Variants in NIPAL3 observed in about 807,000 individuals in gnomAD.
The protein encoded by NIPAL3 is NIPA-like protein 3.
Under a neutral mutation model 47.2 loss-of-function variants are expected in NIPAL3, and 41 were observed. The observed-to-expected ratio is 0.87, with a 90% CI of 0.68 to 1.13. The LOEUF (loss-of-function observed/expected upper bound fraction) is 1.13. NIPAL3 is among the 50% of genes most tolerant of loss of function. The probability of loss-of-function intolerance (pLI) is 0.00; values close to 1 mark genes in which losing one functional copy is unlikely to be tolerated. For missense variants in NIPAL3, 449 were observed against 530.1 expected, an observed-to-expected ratio of 0.85 and a Z score of 1.50; for synonymous variants, 194 against 209.6, an observed-to-expected ratio of 0.93 and a Z score of 0.64.
rs1369783747 is a variant in NIPAL3, at chr1:24,472,345, G to T, written c.*3160G>T. The T allele has an allele frequency of 2.0e-5, 3 of 152,198 alleles. No homozygotes were observed. In the East Asian group the frequency reaches 5.8e-4, roughly 29 times the overall value. 9.4% of individuals were successfully genotyped at this position (152,198 alleles called of 1,614,324 possible). A position where few individuals can be genotyped will look rare whatever the true frequency, so the allele number is the denominator to read the frequency against. ...TGGTTCCTCCCAATCTTTGTCCAGT[G>T]GTATAAATGGACTGTCTGCTGATGG... is the stretch of plus-strand genomic sequence containing the variant. On this transcript the variant is annotated 3_prime_UTR_variant, in exon 12 of 12. Coordinates refer to ENST00000374399, the MANE Select transcript of NIPAL3 (RefSeq NM_020448.5).
rs1166339764 is a variant in NIPAL3, at chr1:24,454,636, G to A, written c.637+1132G>A. 2 of 778,404 alleles carry A rather than the reference G, an allele frequency of 2.6e-6. No individual in the cohort carries two copies. Among genetic ancestry groups the A allele is most frequent in the African/African-American group, 3.8e-5 (2 of 52,794 alleles). The allele number at this position is 778,404 out of a possible 1,614,324, so 48.2% of individuals were successfully genotyped here. Reference sequence around the variant, plus strand: ...TCAGTGGTTTTTAGTATTTCATAGAGTTGTGAAACCATCATCCTAATCTAA... The same window carrying A: ...TCAGTGGTTTTTAGTATTTCATAGAATTGTGAAACCATCATCCTAATCTAA... On this transcript the variant is annotated intron_variant, in intron 7 of 11. Transcript: ENST00000374399. This position sits in a 1 kb window ranked among gnomAD's most constrained non-coding sequence, Gnocchi z 4.1.
At chr1:24,455,452 C>T (rs1401922607) in intron 7 of NIPAL3, among the ~76,000 whole-genome samples, 1 of 152,210 alleles carries the variant, frequency 6.6e-6, no homozygotes, top group Non-Finnish European at 1.5e-5. Context: ...AAAACAGATA[C>T]ACACATATTG....
chr1:24,451,717 G>GA lies in NIPAL3; in HGVS notation c.541-1681dup, dbSNP rs570147141. Among the ~76,000 whole-genome samples the GA allele has an allele frequency of 1.4e-4, 21 of 148,486 alleles. No individual in the cohort carries two copies. Among genetic ancestry groups the GA allele is most frequent in the Non-Finnish European group, 2.1e-4 (14 of 66,880 alleles). On this transcript the variant is annotated intron_variant, in intron 6 of 11. Transcript: ENST00000374399. This position sits in a 1 kb window ranked among gnomAD's most constrained non-coding sequence, Gnocchi z 4.5. ...AGACCCTGTCTCAAAAAAAGAAAAA[G>GA]AAAAAAAAAATCATGGAGAATGGCT...
Position 24,469,427 on chromosome 1 carries a change from G to A in NIPAL3, c.*242G>A. On this transcript the variant is annotated 3_prime_UTR_variant, in exon 12 of 12. Transcript: ENST00000374399. ...ACGGGATAGAATCCAGCCTCTGCCTGGATTAGCCCAGGGGGATTTGGAAAG... is the reference window on the plus strand; with the variant it reads ...ACGGGATAGAATCCAGCCTCTGCCTAGATTAGCCCAGGGGGATTTGGAAAG... 2.1e-6 allele frequency: 1 copy of A among 472,160 alleles called. No homozygotes were observed. Among genetic ancestry groups the A allele is most frequent in the Non-Finnish European group, 3.8e-6 (1 of 264,438 alleles). The allele number at this position is 472,160 out of a possible 1,614,324, so 29.2% of individuals were successfully genotyped here. A position where few individuals can be genotyped will look rare whatever the true frequency, so the allele number is the denominator to read the frequency against.
At chr1:24,438,550 G>A (rs532780608) in intron 2 of NIPAL3, among the ~76,000 whole-genome samples, 2 of 152,248 alleles carry the variant, frequency 1.3e-5, no homozygotes, top group Non-Finnish European at 2.9e-5. Context: ...GAGAGGGCAG[G>A]GGGGAGGGTT....
chr1:24,449,682 A>G lies in NIPAL3; in HGVS notation c.540+56A>G. ...GATGGCAGGAGGGAGATCAAGTCCT[A>G]GAAACCAGAAACGTGAATACCCAGC... On this transcript the variant is annotated intron_variant, in intron 6 of 11. Coordinates refer to ENST00000374399, the MANE Select transcript of NIPAL3 (RefSeq NM_020448.5). The surrounding 1 kb of genome is among the most constrained non-coding windows in gnomAD (Gnocchi z 4.5). 1 of 1,562,672 alleles carries G rather than the reference A, an allele frequency of 6.4e-7. No homozygotes were observed. The highest frequency in any genetic ancestry group is 1.2e-5 in the South Asian group (1 of 86,744).
chr1:24,460,430 T>C (rs1299309851), intron 9 of NIPAL3, 51 bp from the exon 10 acceptor site: 3 of 1,446,274 alleles, frequency 2.1e-6, no homozygotes, highest in Non-Finnish European at 2.9e-6. Flanking sequence ...GACTGGCAGA[T>C]GGGTGATTTG....
chr1:24,433,271 T>C (rs1207563892), intron 2 of NIPAL3: 2 of 152,240 alleles, frequency 1.3e-5, no homozygotes, highest in Non-Finnish European at 2.9e-5. Context: ...CACACACTTA[T>C]TGTGCTGGAG....
intron 2 of NIPAL3, among the ~76,000 whole-genome samples, chr1:24,431,570 C>T (rs1644880006): frequency 6.6e-6 from 1 of 152,094 alleles, no homozygotes; most frequent in African/African-American, 2.4e-5. Context: ...AATAATTTCT[C>T]TTTTAGAAAC....
intron 2 of NIPAL3, among the ~76,000 whole-genome samples, chr1:24,430,639 C>T (rs7530010): frequency 0.43 from 65,174 of 152,110 alleles, 15,286 homozygotes; most frequent in African/African-American, 0.64. Context: ...ACGATACAAT[C>T]AGAGCCACCT....
intron 5 of NIPAL3, among the ~76,000 whole-genome samples, chr1:24,446,733 T>A (rs1335660450): frequency 6.6e-6 from 1 of 152,352 alleles, no homozygotes; most frequent in East Asian, 1.9e-4. Context: ...AGTGAACATA[T>A]GTGCACATGT....
intron 5 of NIPAL3, among the ~76,000 whole-genome samples, chr1:24,448,026 T>C (rs1645754470): frequency 1.3e-5 from 2 of 152,222 alleles, no homozygotes; most frequent in African/African-American, 4.8e-5. Flanking sequence ...TGAAGAAAAC[T>C]TTAGATAACA....
intron 4 of NIPAL3, among the ~76,000 whole-genome samples, chr1:24,444,429 T>C (rs1396611090): frequency 3.9e-5 from 6 of 152,176 alleles, no homozygotes; most frequent in Admixed American, 3.9e-4. Context: ...TTATATGGTA[T>C]AGACATTATC....
At chr1:24,440,795 C>G (rs1645346230) in intron 3 of NIPAL3, among the ~76,000 whole-genome samples, 1 of 152,252 alleles carries the variant, frequency 6.6e-6, no homozygotes, top group South Asian at 2.1e-4. Flanking sequence ...CGTTAATGCC[C>G]CTGGAGGCTG....
At chr1:24,452,259 T>A (rs1645972365) in intron 6 of NIPAL3, among the ~76,000 whole-genome samples, 1 of 152,206 alleles carries the variant, frequency 6.6e-6, no homozygotes, top group Non-Finnish European at 1.5e-5. Flanking sequence ...AAACTCGGAC[T>A]TGCCATCGTC....
intron 2 of NIPAL3, 66 bp downstream of exon 2, chr1:24,419,706 A>G: frequency 7.2e-7 from 1 of 1,397,136 alleles, no homozygotes; most frequent in Non-Finnish European, 1.0e-6. Context: ...AGTGCTCTGC[A>G]TTGGCTAACA....
intron 4 of NIPAL3, among the ~76,000 whole-genome samples, chr1:24,444,440 A>T (rs1645557020): frequency 6.6e-6 from 1 of 152,126 alleles, no homozygotes; most frequent in Admixed American, 6.5e-5. Context: ...AGACATTATC[A>T]CTCCCACTGT....
intron 4 of NIPAL3, among the ~76,000 whole-genome samples, chr1:24,442,964 C>T (rs1005832527): frequency 6.6e-6 from 1 of 152,108 alleles, no homozygotes; most frequent in African/African-American, 2.4e-5. Context: ...AGCAAGACCT[C>T]ATCTATTGAA....
intron 2 of NIPAL3, among the ~76,000 whole-genome samples, chr1:24,439,623 G>C (rs1421445137): frequency 6.6e-6 from 1 of 151,610 alleles, no homozygotes; most frequent in African/African-American, 2.4e-5. Flanking sequence ...AGTCTACAAT[G>C]AATATATGTT....
Sources: gnomAD v4.1 joint callset for allele counts (sites outside exome capture counted in the v4.1 genomes callset) on GRCh38, gnomAD v4.1.1 for gene constraint, Gnocchi (gnomAD v3.1) non-coding constraint, MANE v1.5 for transcripts, NCBI Gene and HGNC (gene_info 2026-07-23, HGNC 2026-07-21) for gene names.